NFIB: variants seen among roughly 807,000 people sequenced by gnomAD.
NFIB encodes nuclear factor I B, also known as nuclear factor 1 B-type.
In NFIB, 11 loss-of-function variants were observed where a neutral mutation model predicts 61.5. That is an observed-to-expected ratio of 0.18 (90% CI 0.11 to 0.30). The LOEUF is 0.30. Ranked by LOEUF, NFIB falls within the 10% of genes least tolerant of loss-of-function variation. The pLI, the probability that NFIB is intolerant of heterozygous loss-of-function variation, is 1.00. For synonymous variants in NFIB, 260 were observed against 216.5 expected, an observed-to-expected ratio of 1.20 and a Z score of -1.76; for missense variants, 471 against 608.9, an observed-to-expected ratio of 0.77 and a Z score of 2.38.
At chr9:14,445,498 G>C in the NFIB span, among the ~76,000 whole-genome samples, 1 of 151,958 alleles carries the variant, frequency 6.6e-6, no homozygotes, top group South Asian at 2.1e-4. Flanking sequence ...AAGAAATTTT[G>C]ATCTTTTTTA....
the NFIB span, among the ~76,000 whole-genome samples, chr9:14,433,241 C>A: frequency 6.6e-6 from 1 of 152,158 alleles, no homozygotes; most frequent in African/African-American, 2.4e-5. Flanking sequence ...ACTTACAATA[C>A]AAACCCCAGT....
chr9:14,129,302 G>A (rs1380017974), intron 6 of NFIB, among the ~76,000 whole-genome samples: 1 of 149,962 alleles, frequency 6.7e-6, no homozygotes, highest in Non-Finnish European at 1.5e-5. Context: ...TTAATTCTTG[G>A]CCCATTAATA....
chr9:14,305,208 C>T (rs1438617077), intron 2 of NFIB, among the ~76,000 whole-genome samples: 1 of 152,130 alleles, frequency 6.6e-6, no homozygotes, highest in Non-Finnish European at 1.5e-5. Flanking sequence ...AGCTGGCTGC[C>T]TTCCCCAGGA....
At chr9:14,216,071 A>C (rs1282938136) in intron 2 of NFIB, among the ~76,000 whole-genome samples, 1 of 152,208 alleles carries the variant, frequency 6.6e-6, no homozygotes, top group Non-Finnish European at 1.5e-5. Flanking sequence ...AGTAGAATTT[A>C]AATTTAGTCA....
At chr9:14,458,166 C>T in the NFIB span, among the ~76,000 whole-genome samples, 5 of 152,174 alleles carry the variant, frequency 3.3e-5, no homozygotes, top group Non-Finnish European at 7.3e-5. Context: ...AACTTATCCA[C>T]CATGATCAAG....
At chr9:14,207,049 T>C (rs757205647) in intron 2 of NFIB, among the ~76,000 whole-genome samples, 1 of 152,210 alleles carries the variant, frequency 6.6e-6, no homozygotes, top group Admixed American at 6.5e-5. Flanking sequence ...CTAACAGTCA[T>C]TGAGTATTTG....
the NFIB span, among the ~76,000 whole-genome samples, chr9:14,410,818 C>T: frequency 6.6e-6 from 1 of 152,126 alleles, no homozygotes; most frequent in Non-Finnish European, 1.5e-5. Flanking sequence ...AGACCCAGAC[C>T]ACAAATGCAC....
At chr9:14,097,875 CTTTTTTTT>C (rs71321962) in intron 10 of NFIB, among the ~76,000 whole-genome samples, 94 of 110,876 alleles carry the variant, frequency 8.5e-4, no homozygotes, top group African/African-American at 2.9e-3. Context: ...TTTCTTTTTT[CTTTTTTTT>C]TTTTTTTTTT....
chr9:14,088,879 G>A (rs2033323213), intron 10 of NFIB, among the ~76,000 whole-genome samples: 1 of 152,056 alleles, frequency 6.6e-6, no homozygotes. Flanking sequence ...GTTTAAGGTA[G>A]GCCCATGCAT....
chr9:14,118,595 A>C (rs1487926081), intron 8 of NFIB, among the ~76,000 whole-genome samples: 1 of 152,032 alleles, frequency 6.6e-6, no homozygotes, highest in Admixed American at 6.6e-5. Context: ...GCTACACTAA[A>C]AATTTCTATC....
chr9:14,193,952 C>A (rs753930562), intron 2 of NFIB, among the ~76,000 whole-genome samples: 1 of 152,118 alleles, frequency 6.6e-6, no homozygotes, highest in African/African-American at 2.4e-5. Context: ...TACATCCTCT[C>A]TCTCAATCAT....
At chr9:14,481,197 GTA>G in the NFIB span, among the ~76,000 whole-genome samples, 601 of 45,798 alleles carry the variant, frequency 0.013, 26 homozygotes, top group East Asian at 0.055. Context: ...GTGTGTGTGT[GTA>G]TATATATATA....
chr9:14,484,783 T>C, the NFIB span, among the ~76,000 whole-genome samples: 1 of 152,244 alleles, frequency 6.6e-6, no homozygotes, highest in African/African-American at 2.4e-5. Flanking sequence ...AGATTAAGTC[T>C]TGGGGAGCCT....
Position 14,224,127 on chromosome 9 carries a change from T to C in NFIB, c.563-44347A>G, listed in dbSNP as rs74625730. Among the ~76,000 whole-genome samples the C allele has an allele frequency of 1.4e-4, 22 of 152,332 alleles. No individual in the cohort carries two copies. In the East Asian group the frequency reaches 4.2e-3, roughly 29 times the overall value. On this transcript the variant is annotated intron_variant, in intron 2 of 10. Transcript: ENST00000380953. ...ACACTTATTATGTTTGCCTGAACAA[T>C]TAACAGCTTTTAAGATATTTCTGGC...
intron 2 of NFIB, among the ~76,000 whole-genome samples, chr9:14,262,612 A>C (rs2056861848): frequency 6.6e-6 from 1 of 152,126 alleles, no homozygotes; most frequent in Admixed American, 6.5e-5. Context: ...AAGGAGCCAC[A>C]ATTTATGCTG....
the NFIB span, among the ~76,000 whole-genome samples, chr9:14,471,924 A>G: frequency 2.0e-5 from 3 of 152,174 alleles, no homozygotes; most frequent in African/African-American, 7.2e-5. Context: ...TCCAGGTCTT[A>G]CTGCTTCTAG....
intron 1 of NFIB, among the ~76,000 whole-genome samples, chr9:14,365,699 A>C (rs1462255793): frequency 6.6e-6 from 1 of 152,222 alleles, no homozygotes; most frequent in African/African-American, 2.4e-5. Context: ...TTCATCCAAC[A>C]AACATATGCT....
intron 2 of NFIB, among the ~76,000 whole-genome samples, chr9:14,226,900 G>A (rs571714641): frequency 6.6e-6 from 1 of 152,194 alleles, no homozygotes; most frequent in Non-Finnish European, 1.5e-5. Context: ...GGCACTTTGG[G>A]ACACCAAGGT....
chr9:14,289,207 A>G (rs889303028), intron 2 of NFIB, among the ~76,000 whole-genome samples: 14 of 128,964 alleles, frequency 1.1e-4, no homozygotes, highest in Middle Eastern at 3.9e-3. Flanking sequence ...TACCAAATAT[A>G]TAATTTGGTA....
Sources: allele counts gnomAD v4.1 joint callset (sites outside exome capture counted in the v4.1 genomes callset), GRCh38; gene constraint gnomAD v4.1.1; transcripts MANE v1.5; gene names NCBI Gene and HGNC (gene_info 2026-07-23, HGNC 2026-07-21).